The following RFTN1 variants were observed in gnomAD, a reference collection of about 807,000 sequenced individuals.
RFTN1 encodes the protein raftlin, lipid raft linker 1.
RFTN1 carries 26 observed loss-of-function variants against 46.5 expected under a neutral mutation model. The ratio of observed to expected loss-of-function variants is 0.56; its 90% confidence interval spans 0.41 to 0.78. The LOEUF (loss-of-function observed/expected upper bound fraction) is 0.78. Ranked by LOEUF, RFTN1 falls within the 30% of genes least tolerant of loss-of-function variation. The probability of loss-of-function intolerance (pLI) is 0.00; values close to 1 mark genes in which losing one functional copy is unlikely to be tolerated. For synonymous variants in RFTN1, 261 were observed against 284.2 expected (o/e 0.92, Z 0.82); for missense variants, 693 against 718.7 (o/e 0.96, Z 0.41).
At chr3:16,478,355 T>C (rs2076316357) in intron 2 of RFTN1, among the ~76,000 whole-genome samples, 1 of 152,182 alleles carries the variant, frequency 6.6e-6, no homozygotes, top group Non-Finnish European at 1.5e-5. Context: ...ATAAGGAAAC[T>C]GAGGCACAGA....
chr3:16,342,453 T>G lies in RFTN1; in HGVS notation c.1146+15479A>C, dbSNP rs561022078. ...TCATTTGATGAACATTTAAGTTGTTTCTACTTTTTGGACATTACAAATAAA... is the reference window on the plus strand; with the variant it reads ...TCATTTGATGAACATTTAAGTTGTTGCTACTTTTTGGACATTACAAATAAA... On this transcript the variant is annotated intron_variant, in intron 7 of 9. Coordinates refer to ENST00000334133, the MANE Select transcript of RFTN1 (RefSeq NM_015150.2). This position sits in a 1 kb window ranked among gnomAD's most constrained non-coding sequence, Gnocchi z 4.0. Among the ~76,000 whole-genome samples the G allele has an allele frequency of 1.1e-4, 16 of 152,344 alleles. No individual in the cohort carries two copies. The South Asian group carries it at 3.1e-3, about 30-fold the overall frequency.
At position 16,499,128 on chromosome 3, in the gene RFTN1, A is replaced by C. The variant is rs2076668360; in HGVS notation, c.-8-5251T>G. ...CACACAGACATTCAGGGAGTGTCTC[A>C]GTAGAAGGACATCTCTCACATGGGT... On this transcript the variant is annotated intron_variant, in intron 1 of 9. Transcript: ENST00000334133. The surrounding 1 kb of genome is among the most constrained non-coding windows in gnomAD (Gnocchi z 4.9). 6.6e-6 allele frequency among the ~76,000 whole-genome samples: 1 copy of C among 152,198 alleles called. No individual in the cohort carries two copies. The highest frequency in any genetic ancestry group is 6.5e-5 in the Admixed American group (1 of 15,282).
rs1490454970 is a variant in RFTN1 at position 16,504,207 on chromosome 3, A to T, written c.-9+9235T>A. On this transcript the variant is annotated intron_variant, in intron 1 of 9. Transcript: ENST00000334133. The surrounding 1 kb of genome is among the most constrained non-coding windows in gnomAD (Gnocchi z 4.4). The stretch of plus-strand genomic sequence containing the variant: ...TAATACTTATTCACAGCCTAACAAC[A>T]GCAGCCTTTCAGAAAAATAGCACAC... Among the ~76,000 whole-genome samples, 1 of 152,262 alleles carries T rather than the reference A, an allele frequency of 6.6e-6. No homozygotes were observed.
rs1418661256 is a variant in RFTN1, at chr3:16,398,496, CAG to C, written c.441+10877_441+10878del. On this transcript the variant is annotated intron_variant, in intron 4 of 9. Transcript: ENST00000334133. ...GTGAGCAAGAATGGTTCAGAGACAA[CAG>C]GGGCCAGAAGCTGTGGGCTGCCCCA... Among the ~76,000 whole-genome samples the C allele has an allele frequency of 2.0e-5, 3 of 152,262 alleles. No individual in the cohort carries two copies. In the East Asian group the frequency reaches 5.8e-4, roughly 29 times the overall value.
In RFTN1 at chr3:16,338,577, A is replaced by T. The variant is rs2071080095; in HGVS notation, c.1147-11701T>A. Among the ~76,000 whole-genome samples, 1 of 152,210 alleles carries T rather than the reference A, an allele frequency of 6.6e-6. No homozygotes were observed. The highest frequency in any genetic ancestry group is 2.4e-5 in the African/African-American group (1 of 41,454). ...GAAATAGCTTTGTTTGATAACAATT[A>T]AAAAAGAAACATTTTCTCCATCCAG... On this transcript the variant is annotated intron_variant, in intron 7 of 9. Transcript: ENST00000334133. This position sits in a 1 kb window ranked among gnomAD's most constrained non-coding sequence, Gnocchi z 5.3.
chr3:16,408,852 C>T (rs2074921896), intron 4 of RFTN1, among the ~76,000 whole-genome samples: 1 of 151,922 alleles, frequency 6.6e-6, no homozygotes, highest in African/African-American at 2.4e-5. Flanking sequence ...GACATTCCTT[C>T]TGTAGTAAAT....
intron 4 of RFTN1, among the ~76,000 whole-genome samples, chr3:16,397,081 A>G (rs2074486374): frequency 6.6e-6 from 1 of 151,896 alleles, no homozygotes; most frequent in Non-Finnish European, 1.5e-5. Flanking sequence ...AAAAAAAAAA[A>G]AAAAAGAGAG....
intron 3 of RFTN1, among the ~76,000 whole-genome samples, chr3:16,430,914 G>A (rs551564064): frequency 2.0e-5 from 3 of 152,242 alleles, no homozygotes; most frequent in African/African-American, 4.8e-5. Context: ...TTCATGCTAC[G>A]TTAGTGGAAG....
At chr3:16,430,803 G>A (rs982001995) in intron 3 of RFTN1, among the ~76,000 whole-genome samples, 2 of 152,148 alleles carry the variant, frequency 1.3e-5, no homozygotes, top group African/African-American at 4.8e-5. Context: ...CAAACCCAAG[G>A]AGACTGCCAA....
At chr3:16,420,457 A>C (rs965912209) in intron 3 of RFTN1, among the ~76,000 whole-genome samples, 3 of 152,284 alleles carry the variant, frequency 2.0e-5, no homozygotes, top group African/African-American at 7.2e-5. Context: ...TAATAGCTAC[A>C]TAGGAATGGT....
chr3:16,398,998 T>G (rs914495313), intron 4 of RFTN1, among the ~76,000 whole-genome samples: 3 of 152,266 alleles, frequency 2.0e-5, no homozygotes, highest in African/African-American at 7.2e-5. Context: ...TCCACAGAGC[T>G]AACAATAGGC....
chr3:16,508,536 C>T (rs940793846), intron 1 of RFTN1, among the ~76,000 whole-genome samples: 8 of 152,232 alleles, frequency 5.3e-5, no homozygotes, highest in African/African-American at 1.9e-4. Flanking sequence ...CGGGTTCAAG[C>T]AGTGGCTATC....
At chr3:16,419,941 T>A (rs962745686) in intron 3 of RFTN1, among the ~76,000 whole-genome samples, 1 of 152,198 alleles carries the variant, frequency 6.6e-6, no homozygotes, top group South Asian at 2.1e-4. Context: ...GTGCAAAGGA[T>A]ACTCCCACTA....
intron 2 of RFTN1, among the ~76,000 whole-genome samples, chr3:16,445,138 C>T (rs984421790): frequency 5.9e-5 from 9 of 152,146 alleles, no homozygotes; most frequent in African/African-American, 2.2e-4. Flanking sequence ...CAGATGTAAA[C>T]AGTTCCAAAA....
intron 5 of RFTN1, among the ~76,000 whole-genome samples, chr3:16,375,517 G>C (rs150973884): frequency 6.6e-6 from 1 of 152,008 alleles, no homozygotes. Flanking sequence ...GACTGCCATC[G>C]TGACCACTGA....
intron 8 of RFTN1, among the ~76,000 whole-genome samples, chr3:16,324,656 G>A (rs1261298712): frequency 9.4e-6 from 1 of 106,404 alleles, no homozygotes; most frequent in East Asian, 2.3e-4. Context: ...TTGTGTGTGT[G>A]TGTGTGTGTG....
chr3:16,331,631 A>G (rs918391418), intron 7 of RFTN1, among the ~76,000 whole-genome samples: 4 of 152,202 alleles, frequency 2.6e-5, no homozygotes, highest in African/African-American at 9.7e-5. Flanking sequence ...TAAATATTCC[A>G]AGATCCTAAA....
At chr3:16,324,220 T>C (rs2069420153) in intron 8 of RFTN1, among the ~76,000 whole-genome samples, 1 of 152,240 alleles carries the variant, frequency 6.6e-6, no homozygotes, top group African/African-American at 2.4e-5. Context: ...ATGTTTACAA[T>C]GTGGACTGAT....
intron 6 of RFTN1, among the ~76,000 whole-genome samples, chr3:16,366,569 G>A (rs2073187910): frequency 6.6e-6 from 1 of 152,084 alleles, no homozygotes; most frequent in African/African-American, 2.4e-5. Flanking sequence ...GCATAGCCAC[G>A]TCTTTCCTTT....
Sources: allele counts gnomAD v4.1 joint callset (sites outside exome capture counted in the v4.1 genomes callset), GRCh38; gene constraint gnomAD v4.1.1; non-coding constraint Gnocchi (gnomAD v3.1); transcripts MANE v1.5; gene names NCBI Gene and HGNC (gene_info 2026-07-23, HGNC 2026-07-21).